Variants in HELQ observed in about 807,000 individuals in gnomAD.
HELQ encodes helicase, POLQ like.
HELQ carries 77 observed loss-of-function variants against 111.6 expected under a neutral mutation model. The observed-to-expected ratio is 0.69, with a 90% CI of 0.57 to 0.83. The LOEUF (loss-of-function observed/expected upper bound fraction) is 0.83, where lower values mean the gene tolerates loss of function less well. Ranked by LOEUF, HELQ falls within the 40% of genes least tolerant of loss-of-function variation. The pLI is 0.00. For missense variants in HELQ, 1,200 were observed against 1,288.5 expected, an observed-to-expected ratio of 0.93 and a Z score of 1.05; for synonymous variants, 438 against 454.7, an observed-to-expected ratio of 0.96 and a Z score of 0.47.
intron 1 of HELQ, among the ~76,000 whole-genome samples, 199 bp from the exon 2 acceptor site, chr4:83,454,144 G>A (rs760836974): frequency 2.6e-5 from 4 of 152,086 alleles, no homozygotes; most frequent in African/African-American, 9.7e-5. Flanking sequence ...CGCAGGTTGC[G>A]GTAAGCCCAG....
At chr4:83,430,678 AG>A (rs946140592) in intron 11 of HELQ, among the ~76,000 whole-genome samples, 5 of 152,240 alleles carry the variant, frequency 3.3e-5, no homozygotes, top group African/African-American at 1.2e-4. Context: ...AACCAATATA[AG>A]GGGTAAGAAA....
chr4:83,446,300 G>A (rs571821129), intron 4 of HELQ, among the ~76,000 whole-genome samples: 75 of 142,054 alleles, frequency 5.3e-4, no homozygotes, highest in African/African-American at 1.8e-3. Flanking sequence ...GGATTCATAA[G>A]TACTACTAAA....
At chr4:83,409,954 A>C (rs995332639) in intron 17 of HELQ, among the ~76,000 whole-genome samples, 7 of 152,176 alleles carry the variant, frequency 4.6e-5, no homozygotes, top group African/African-American at 1.7e-4. Flanking sequence ...CAATAAAGAG[A>C]ATAAAAACGA....
At chr4:83,411,796 T>C (rs1454437810) in intron 17 of HELQ, among the ~76,000 whole-genome samples, 1 of 151,538 alleles carries the variant, frequency 6.6e-6, no homozygotes, top group African/African-American at 2.4e-5. Flanking sequence ...TCACCATGCC[T>C]GGCTAATTAA....
intron 1 of HELQ, among the ~76,000 whole-genome samples, chr4:83,454,890 C>CCTTG (rs1185212730): frequency 1.3e-5 from 2 of 152,130 alleles, no homozygotes; most frequent in Non-Finnish European, 2.9e-5. Flanking sequence ...ACTAGACACT[C>CCTTG]CAAGGAGTTC....
Position 83,407,383 on chromosome 4 carries a change from G to A in HELQ, c.*70C>T. On this transcript the variant is annotated 3_prime_UTR_variant, in exon 18 of 18. Transcript: ENST00000295488. ...TGAAATGTATTTTTTCATTTATAAA[G>A]TATAAGTTATCTTTAATAACACACA... The A allele has an allele frequency of 1.0e-6, 1 of 960,538 alleles. No homozygotes were observed. The highest frequency in any genetic ancestry group is 1.6e-6 in the Non-Finnish European group (1 of 640,986). The allele number at this position is 960,538 out of a possible 1,614,324, so 59.5% of individuals were successfully genotyped here.
chr4:83,423,500 T>A (rs116662608), intron 14 of HELQ, among the ~76,000 whole-genome samples: 3,157 of 152,318 alleles, frequency 0.021, 48 homozygotes, highest in Non-Finnish European at 0.032. Flanking sequence ...TTTTAGTGCA[T>A]CTTCAGTACT....
intron 5 of HELQ, 52 bp from the exon 6 acceptor site, chr4:83,443,666 A>G: frequency 1.4e-6 from 1 of 737,756 alleles, no homozygotes; most frequent in Non-Finnish European, 2.3e-6. Flanking sequence ...ATGTTATTTA[A>G]TATATCATAA....
At chr4:83,426,508 T>A (rs1009187942) in intron 13 of HELQ, among the ~76,000 whole-genome samples, 5 of 151,652 alleles carry the variant, frequency 3.3e-5, no homozygotes, top group African/African-American at 1.2e-4. Flanking sequence ...AAAAGAAAGC[T>A]AATTTCCTGT....
chr4:83,429,853 T>TA (rs1720047465), intron 11 of HELQ, 107 bp from the exon 12 acceptor site: 2 of 652,810 alleles, frequency 3.1e-6, no homozygotes, highest in South Asian at 2.2e-5. Context: ...GCTATTTAAA[T>TA]AAAAAATTAG....
intron 9 of HELQ, 29 bp downstream of exon 9, chr4:83,436,829 A>G: frequency 6.3e-7 from 1 of 1,589,198 alleles, no homozygotes; most frequent in Non-Finnish European, 8.6e-7. Context: ...AAAAGTTCTG[A>G]GCCTGGTCAA....
chr4:83,424,802 A>G (rs1260905053), intron 14 of HELQ, among the ~76,000 whole-genome samples: 2 of 151,360 alleles, frequency 1.3e-5, no homozygotes, highest in Non-Finnish European at 2.9e-5. Context: ...ATGGTCGCCC[A>G]CCTCGGCCTC....
At chr4:83,449,794 T>C (rs1721251249) in intron 2 of HELQ, among the ~76,000 whole-genome samples, 1 of 150,514 alleles carries the variant, frequency 6.6e-6, no homozygotes, top group Non-Finnish European at 1.5e-5. Context: ...GGCCAATAAA[T>C]ACATGAGAAG....
In HELQ at chr4:83,441,422, T is replaced by C; in HGVS notation, c.1564-19A>G. On this transcript the variant is annotated intron_variant, in intron 6 of 17. Coordinates refer to ENST00000295488, the MANE Select transcript of HELQ (RefSeq NM_133636.5). ...ACTCAACCTTGAATTAAAAGGACAT[T>C]TGCAATTAATACGACATATAAATTC... 9.0e-7 allele frequency: 1 copy of C among 1,114,354 alleles called. No individual in the cohort carries two copies. The highest frequency in any genetic ancestry group is 1.4e-6 in the Non-Finnish European group (1 of 739,710). 69.0% of individuals were successfully genotyped at this position (1,114,354 alleles called of 1,614,324 possible). A position where few individuals can be genotyped will look rare whatever the true frequency, so the allele number is the denominator to read the frequency against.
chr4:83,425,831 C>T (rs191523559), intron 14 of HELQ, among the ~76,000 whole-genome samples, 163 bp downstream of exon 14: 1 of 152,102 alleles, frequency 6.6e-6, no homozygotes, highest in Admixed American at 6.5e-5. Context: ...TTTGGGTGCT[C>T]AGGTATGTTT....
At chr4:83,441,930 C>T (rs902098442) in intron 6 of HELQ, among the ~76,000 whole-genome samples, 32 of 151,852 alleles carry the variant, frequency 2.1e-4, no homozygotes, top group East Asian at 3.9e-4. Context: ...TGCGCTACCA[C>T]GCCAGGCTAA....
chr4:83,426,040 GAGA>G lies in HELQ; in HGVS notation c.2726_2728del (p.Val909_Ser910delinsAla), dbSNP rs1719830812. The G allele has an allele frequency of 4.3e-6, 7 of 1,611,476 alleles. No individual in the cohort carries two copies. The highest frequency in any genetic ancestry group is 5.9e-6 in the Non-Finnish European group (7 of 1,178,054). On this transcript the variant is annotated inframe_deletion, in exon 14 of 18. Transcript: ENST00000295488. ...TGCTTTCTTCCCAATAAAGCTTTCA[GAGA>G]CTCCAAGAATGGCAGCTACATTTTG...
At chr4:83,450,706 C>T (rs1721317524) in intron 2 of HELQ, among the ~76,000 whole-genome samples, 1 of 151,244 alleles carries the variant, frequency 6.6e-6, no homozygotes, top group African/African-American at 2.4e-5. Flanking sequence ...TGGCTCATAT[C>T]TGTAATTCCA....
chr4:83,446,342 T>G (rs1721046362), intron 4 of HELQ, among the ~76,000 whole-genome samples: 1 of 152,182 alleles, frequency 6.6e-6, no homozygotes, highest in Non-Finnish European at 1.5e-5. Flanking sequence ...GTTTGGCTCT[T>G]GACCCCCAGG....
Sources: allele counts gnomAD v4.1 joint callset (sites outside exome capture counted in the v4.1 genomes callset), GRCh38; gene constraint gnomAD v4.1.1; transcripts MANE v1.5; gene names NCBI Gene and HGNC (gene_info 2026-07-23, HGNC 2026-07-21).